UBE2E2: variants seen among roughly 807,000 people sequenced by gnomAD.
UBE2E2 encodes the protein ubiquitin conjugating enzyme E2 E2, also known as ubiquitin-conjugating enzyme E2 E2.
In UBE2E2, 6 loss-of-function variants were observed where a neutral mutation model predicts 24.7. The observed-to-expected ratio is 0.24, with a 90% CI of 0.13 to 0.48. The LOEUF (loss-of-function observed/expected upper bound fraction) is 0.48, where lower values mean the gene tolerates loss of function less well. Ranked by LOEUF, UBE2E2 falls within the 20% of genes least tolerant of loss-of-function variation. The pLI, the probability that UBE2E2 is intolerant of heterozygous loss-of-function variation, is 0.99. For missense variants in UBE2E2, 169 were observed against 245.0 expected (o/e 0.69, Z 2.07); for synonymous variants, 104 against 83.6 (o/e 1.24, Z -1.33).
chr3:23,294,187 A>C (rs1010011218), intron 3 of UBE2E2, among the ~76,000 whole-genome samples: 1 of 152,260 alleles, frequency 6.6e-6, no homozygotes, highest in Non-Finnish European at 1.5e-5. Flanking sequence ...TAATTCTAGA[A>C]GAAAATATTT....
chr3:23,559,908 C>T (rs1695880852), intron 5 of UBE2E2, among the ~76,000 whole-genome samples: 2 of 152,012 alleles, frequency 1.3e-5, no homozygotes, highest in South Asian at 4.2e-4. Context: ...CATACTGGAC[C>T]TAATTTGCAA....
chr3:23,284,311 A>G (rs1225705457), intron 3 of UBE2E2, among the ~76,000 whole-genome samples: 3 of 152,126 alleles, frequency 2.0e-5, no homozygotes, highest in African/African-American at 7.2e-5. Context: ...ATTATATGTG[A>G]TTTTTAAAAA....
intron 4 of UBE2E2, among the ~76,000 whole-genome samples, chr3:23,528,056 G>A (rs1695040846): frequency 1.3e-5 from 2 of 152,244 alleles, no homozygotes; most frequent in South Asian, 4.1e-4. Context: ...AGTCTTGTGG[G>A]ACTGAGACCT....
chr3:23,267,769 C>G (rs964391160), intron 3 of UBE2E2, among the ~76,000 whole-genome samples: 21 of 151,510 alleles, frequency 1.4e-4, no homozygotes, highest in African/African-American at 3.9e-4. Context: ...GAATTTTAGA[C>G]CAATATCCTT....
At chr3:23,491,984 T>A (rs2125450153) in intron 3 of UBE2E2, among the ~76,000 whole-genome samples, 1 of 152,262 alleles carries the variant, frequency 6.6e-6, no homozygotes, top group East Asian at 1.9e-4. Flanking sequence ...GACTCTCAGA[T>A]TTATGACCAG....
chr3:23,493,766 A>AT lies in UBE2E2; in HGVS notation c.228-5833dup, dbSNP rs199826829. On this transcript the variant is annotated intron_variant, in intron 3 of 5. Transcript: ENST00000396703. ...CATAAGATTAGGTTACAGAATCATT[A>AT]TTTTTTTTTGATGTACACATCTTTG... is the stretch of plus-strand genomic sequence containing the variant. 4.9e-3 allele frequency among the ~76,000 whole-genome samples: 742 copies of AT among 151,322 alleles called. 5 individuals carry two copies. The highest frequency in any genetic ancestry group is 0.017 in the Middle Eastern group (5 of 294).
intron 3 of UBE2E2, among the ~76,000 whole-genome samples, chr3:23,354,454 A>C (rs1218718436): frequency 7.9e-5 from 12 of 152,174 alleles, no homozygotes; most frequent in Admixed American, 7.9e-4. Flanking sequence ...CAACCTGCAA[A>C]ATGGGTGAAA....
intron 3 of UBE2E2, among the ~76,000 whole-genome samples, chr3:23,464,037 T>C (rs1698870296): frequency 6.6e-6 from 1 of 152,182 alleles, no homozygotes; most frequent in South Asian, 2.1e-4. Flanking sequence ...TTTCCACTTC[T>C]AATGGTCATA....
chr3:23,406,987 G>A (rs954723111), intron 3 of UBE2E2, among the ~76,000 whole-genome samples: 2 of 152,168 alleles, frequency 1.3e-5, no homozygotes, highest in African/African-American at 2.4e-5. Context: ...GGGTCCACAG[G>A]AAAGCCCATT....
At chr3:23,238,751 C>CT (rs1238351906) in intron 3 of UBE2E2, among the ~76,000 whole-genome samples, 1 of 152,128 alleles carries the variant, frequency 6.6e-6, no homozygotes, top group Non-Finnish European at 1.5e-5. Context: ...TACACATAGC[C>CT]TGAAGGTAGT....
In UBE2E2 at chr3:23,504,912, C is replaced by CTTTTTTTTTTTTTTTTTTTTTTTTTTTTT. The variant is rs150970405; in HGVS notation, c.360+5186_360+5187insTTTTTTTTTTTTTTTTTTTTTTTTTTTTT. Among the ~76,000 whole-genome samples the CTTTTTTTTTTTTTTTTTTTTTTTTTTTTT allele has an allele frequency of 5.6e-4, 53 of 95,044 alleles. 12 individuals are homozygous for CTTTTTTTTTTTTTTTTTTTTTTTTTTTTT. Among genetic ancestry groups the CTTTTTTTTTTTTTTTTTTTTTTTTTTTTT allele is most frequent in the East Asian group, 2.4e-3 (7 of 2,914 alleles). The allele number at this position is 95,044 out of a possible 152,430, so 62.4% of individuals were successfully genotyped here. ...AATGTTTCTGTTTCAGACATTCTTT[C>CTTTTTTTTTTTTTTTTTTTTTTTTTTTTT]TTTTTTTTTTTTTTGAGACAGGGTC... On this transcript the variant is annotated intron_variant, in intron 4 of 5. Coordinates refer to ENST00000396703, the MANE Select transcript of UBE2E2 (RefSeq NM_152653.4).
At chr3:23,319,832 A>C (rs1008542019) in intron 3 of UBE2E2, among the ~76,000 whole-genome samples, 2 of 151,706 alleles carry the variant, frequency 1.3e-5, no homozygotes, top group African/African-American at 4.8e-5. Flanking sequence ...AGAACAACAA[A>C]AAACAAAAAA....
At chr3:23,526,886 G>A (rs1231329675) in intron 4 of UBE2E2, among the ~76,000 whole-genome samples, 2 of 152,056 alleles carry the variant, frequency 1.3e-5, no homozygotes, top group Non-Finnish European at 2.9e-5. Context: ...AAATTCACAG[G>A]ATTCTTTGCA....
chr3:23,295,660 G>A (rs9810575), intron 3 of UBE2E2, among the ~76,000 whole-genome samples: 222 of 152,304 alleles, frequency 1.5e-3, no homozygotes, highest in Middle Eastern at 0.01. Flanking sequence ...ATACCTACAC[G>A]AGAGGGAGTT....
Position 23,203,335 on chromosome 3 carries a change from G to GT in UBE2E2, c.-137dup, listed in dbSNP as rs1696015464. Reference sequence around the variant, plus strand: ...GCGTGGTGCGTGGGTCCGGCTTTCGGTGACTAGACGGTCCGCAGGGGACAT... The same window carrying GT: ...GCGTGGTGCGTGGGTCCGGCTTTCGGTTGACTAGACGGTCCGCAGGGGACAT... On this transcript the variant is annotated 5_prime_UTR_variant, in exon 1 of 6. Transcript: ENST00000396703. 1.0e-6 allele frequency: 1 copy of GT among 986,414 alleles called. No individual in the cohort carries two copies. Among genetic ancestry groups the GT allele is most frequent in the Non-Finnish European group, 1.2e-6 (1 of 830,496 alleles). 61.1% of individuals were successfully genotyped at this position (986,414 alleles called of 1,614,324 possible).
At chr3:23,241,850 C>T (rs974177022) in intron 3 of UBE2E2, among the ~76,000 whole-genome samples, 4 of 152,150 alleles carry the variant, frequency 2.6e-5, no homozygotes, top group African/African-American at 9.7e-5. Flanking sequence ...ATTATTACCA[C>T]TCCTCAGAAG....
chr3:23,550,316 C>T (rs1305329122), intron 5 of UBE2E2, among the ~76,000 whole-genome samples: 1 of 152,132 alleles, frequency 6.6e-6, no homozygotes, highest in African/African-American at 2.4e-5. Context: ...ACTGTATTCC[C>T]CTATGCAACC....
intron 3 of UBE2E2, among the ~76,000 whole-genome samples, chr3:23,328,221 AATTAC>A (rs1397819970): frequency 1.3e-5 from 2 of 152,200 alleles, no homozygotes; most frequent in African/African-American, 4.8e-5. Context: ...CAAAATAAAA[AATTAC>A]ATTAGATAAT....
At chr3:23,369,925 T>A (rs1351462644) in intron 3 of UBE2E2, among the ~76,000 whole-genome samples, 1 of 152,220 alleles carries the variant, frequency 6.6e-6, no homozygotes, top group African/African-American at 2.4e-5. Flanking sequence ...AAATTTTGTA[T>A]AATTTTTTAA....
Sources: gnomAD v4.1 joint callset for allele counts (sites outside exome capture counted in the v4.1 genomes callset) on GRCh38, gnomAD v4.1.1 for gene constraint, MANE v1.5 for transcripts, NCBI Gene and HGNC (gene_info 2026-07-23, HGNC 2026-07-21) for gene names.